The following ZNF804B variants were observed in gnomAD, a reference collection of about 807,000 sequenced individuals.
ZNF804B encodes the protein zinc finger protein 804B.
A neutral mutation model predicts 101.4 loss-of-function variants in ZNF804B; 80 were observed. The observed-to-expected ratio is 0.79, with a 90% CI of 0.66 to 0.95. The LOEUF (loss-of-function observed/expected upper bound fraction) is 0.95. Ranked by LOEUF, ZNF804B falls within the 40% of genes least tolerant of loss-of-function variation. The pLI is 0.00. For missense variants in ZNF804B, 1,673 were observed against 1,561.9 expected (o/e 1.07, Z -1.20); for synonymous variants, 622 against 558.8 (o/e 1.11, Z -1.59).
chr7:89,075,187 A>G (rs1261430503), intron 1 of ZNF804B, among the ~76,000 whole-genome samples: 1 of 152,234 alleles, frequency 6.6e-6, no homozygotes, highest in Non-Finnish European at 1.5e-5. Flanking sequence ...AGAAATTTGC[A>G]TAAGTAATGA....
intron 1 of ZNF804B, among the ~76,000 whole-genome samples, chr7:88,912,900 G>A (rs1485076287): frequency 1.3e-5 from 2 of 152,094 alleles, no homozygotes; most frequent in Non-Finnish European, 2.9e-5. Flanking sequence ...TCTAATAGGA[G>A]TGTTACATGG....
chr7:89,062,585 ATACT>A lies in ZNF804B; in HGVS notation c.109-155567_109-155564del, dbSNP rs999538028. On this transcript the variant is annotated intron_variant, in intron 1 of 3. Coordinates refer to ENST00000333190, the MANE Select transcript of ZNF804B (RefSeq NM_181646.5). ...TATACCGTATTATTTTTGTTTCCTG[ATACT>A]TAAAGTAGAGCCTGCTATACAGTAG... Among the ~76,000 whole-genome samples the A allele has an allele frequency of 2.0e-5, 3 of 152,154 alleles. No homozygotes were observed. The East Asian group carries it at 5.8e-4, about 29-fold the overall frequency.
At chr7:89,004,717 T>A (rs1788347073) in intron 1 of ZNF804B, among the ~76,000 whole-genome samples, 1 of 151,952 alleles carries the variant, frequency 6.6e-6, no homozygotes, top group South Asian at 2.1e-4. Context: ...TAAAAAAAAG[T>A]CTTGCATAAT....
At chr7:89,252,810 C>T (rs1214850899) in intron 2 of ZNF804B, among the ~76,000 whole-genome samples, 1 of 152,124 alleles carries the variant, frequency 6.6e-6, no homozygotes, top group Non-Finnish European at 1.5e-5. Flanking sequence ...CGTGTTTGCA[C>T]TTACAATTGG....
chr7:89,219,980 C>CACAT lies in ZNF804B; in HGVS notation c.249+1686_249+1687insCATA, dbSNP rs1554380172. Among the ~76,000 whole-genome samples the CACAT allele has an allele frequency of 5.3e-3, 134 of 25,222 alleles. 5 individuals are homozygous for CACAT. Among genetic ancestry groups the CACAT allele is most frequent in the African/African-American group, 0.018 (96 of 5,240 alleles). The allele number at this position is 25,222 out of a possible 152,430, so 16.5% of individuals were successfully genotyped here. On this transcript the variant is annotated intron_variant, in intron 2 of 3. Coordinates refer to ENST00000333190, the MANE Select transcript of ZNF804B (RefSeq NM_181646.5). ...ATATGTGTGCATATATATGTATATACATATGTGTGCATATATGTATATGCA... is the reference window on the plus strand; with the variant it reads ...ATATGTGTGCATATATATGTATATACACATATATGTGTGCATATATGTATATGCA...
At chr7:89,139,655 C>T (rs775052360) in intron 1 of ZNF804B, among the ~76,000 whole-genome samples, 3 of 151,996 alleles carry the variant, frequency 2.0e-5, no homozygotes, top group East Asian at 1.9e-4. Flanking sequence ...CATAAAAAAA[C>T]ACTCCTCATC....
chr7:88,781,381 A>G (rs10259381), intron 1 of ZNF804B, among the ~76,000 whole-genome samples: 60,914 of 151,952 alleles, frequency 0.4, 15,539 homozygotes, highest in East Asian at 0.7. Flanking sequence ...GACTTGCTAA[A>G]ACATGTTCTA....
At chr7:89,324,888 G>A (rs190049935) in intron 2 of ZNF804B, among the ~76,000 whole-genome samples, 253 of 151,718 alleles carry the variant, frequency 1.7e-3, no homozygotes, top group African/African-American at 5.9e-3. Context: ...AGCTAGTTAT[G>A]TGGAGTCAGT....
intron 2 of ZNF804B, among the ~76,000 whole-genome samples, chr7:89,320,134 A>G (rs758340668): frequency 6.6e-6 from 1 of 152,110 alleles, no homozygotes; most frequent in African/African-American, 2.4e-5. Context: ...CCACCATGGC[A>G]TGTGTATATC....
chr7:89,132,203 C>T (rs1046050772), intron 1 of ZNF804B, among the ~76,000 whole-genome samples: 2 of 145,778 alleles, frequency 1.4e-5, no homozygotes, highest in South Asian at 2.2e-4. Flanking sequence ...CACACACACA[C>T]AGTTTGATGC....
At chr7:88,839,376 T>A (rs1791263419) in intron 1 of ZNF804B, among the ~76,000 whole-genome samples, 1 of 152,022 alleles carries the variant, frequency 6.6e-6, no homozygotes, top group Admixed American at 6.6e-5. Flanking sequence ...TGACTAAATA[T>A]AACCTACCTT....
At chr7:88,984,986 A>G (rs1351237214) in intron 1 of ZNF804B, among the ~76,000 whole-genome samples, 1 of 152,096 alleles carries the variant, frequency 6.6e-6, no homozygotes, top group Non-Finnish European at 1.5e-5. Context: ...ACAAATAAAA[A>G]GTAAAAAATA....
intron 2 of ZNF804B, among the ~76,000 whole-genome samples, chr7:89,319,062 A>G (rs1790774813): frequency 6.6e-6 from 1 of 152,128 alleles, no homozygotes; most frequent in South Asian, 2.1e-4. Context: ...TCTGTGGCTT[A>G]AGAATGCCTT....
intron 2 of ZNF804B, among the ~76,000 whole-genome samples, chr7:89,314,224 C>A (rs1236168024): frequency 6.6e-6 from 1 of 152,122 alleles, no homozygotes; most frequent in South Asian, 2.1e-4. Context: ...GGATTAAACA[C>A]ATAAATTATT....
intron 1 of ZNF804B, among the ~76,000 whole-genome samples, chr7:88,845,291 G>GCACACACACACACACACA (rs1554339266): frequency 2.8e-5 from 3 of 106,448 alleles, no homozygotes; most frequent in African/African-American, 1.2e-4. Flanking sequence ...ACGCGCGCGC[G>GCACACACACACACACACA]CACGCGCGCG....
At chr7:88,905,063 A>G (rs1221399751) in intron 1 of ZNF804B, among the ~76,000 whole-genome samples, 1 of 152,114 alleles carries the variant, frequency 6.6e-6, no homozygotes, top group Non-Finnish European at 1.5e-5. Context: ...TTGCCTGTTT[A>G]GTATAATGTT....
At chr7:89,253,456 A>C (rs1789573675) in intron 2 of ZNF804B, among the ~76,000 whole-genome samples, 1 of 152,160 alleles carries the variant, frequency 6.6e-6, no homozygotes, top group African/African-American at 2.4e-5. Context: ...AGTATTAGGA[A>C]AAACTTTATT....
chr7:88,898,497 A>G (rs1393350349), intron 1 of ZNF804B, among the ~76,000 whole-genome samples: 2 of 151,526 alleles, frequency 1.3e-5, no homozygotes, highest in South Asian at 4.2e-4. Flanking sequence ...CTGCACACAC[A>G]TGCTAGAAAT....
At chr7:88,898,073 CTTTTTTTTTT>C (rs869050718) in intron 1 of ZNF804B, among the ~76,000 whole-genome samples, 3 of 56,594 alleles carry the variant, frequency 5.3e-5, no homozygotes, top group East Asian at 6.0e-4. Flanking sequence ...ACTTCTCCAT[CTTTTTTTTTT>C]TTTTTTTTTT....
Sources: allele counts gnomAD v4.1 joint callset (sites outside exome capture counted in the v4.1 genomes callset), GRCh38; gene constraint gnomAD v4.1.1; transcripts MANE v1.5; gene names NCBI Gene and HGNC (gene_info 2026-07-23, HGNC 2026-07-21).